Variants in RPTN observed in about 807,000 individuals in gnomAD.
The protein encoded by RPTN is intermediate filament-associated protein.
Under a neutral mutation model 3.6 loss-of-function variants are expected in RPTN, and 4 were observed. The ratio of observed to expected loss-of-function variants is 1.12; its 90% CI spans 0.55 to 2.55. RPTN has a LOEUF of 2.55. Ranked by LOEUF, RPTN falls within the 30% of genes most tolerant of loss-of-function variation. RPTN has a pLI of 0.02. For synonymous variants in RPTN, 293 were observed against 319.3 expected, an observed-to-expected ratio of 0.92 and a Z score of 0.88; for missense variants, 860 against 916.7, an observed-to-expected ratio of 0.94 and a Z score of 0.80.
Position 152,156,763 on chromosome 1 carries a change from C to G in RPTN, c.336G>C (p.Lys112Asn). 2 of 1,614,214 alleles carry G rather than the reference C, an allele frequency of 1.2e-6. No individual in the cohort carries two copies. Among genetic ancestry groups the G allele is most frequent in the Non-Finnish European group, 1.7e-6 (2 of 1,180,046 alleles). Residue 112 changes from lysine (K) to asparagine (N), a missense_variant, in exon 3 of 3, where the codon AAG (lysine) becomes AAC (asparagine). Physicochemically the swap from Lys to Asn is moderately conservative, Grantham distance 94. Transcript: ENST00000316073. ...GTTGTCTGCCTGTGTTTCCTGGGAA[C>G]TTACAGTCTTGTGCTCCTTCCTGCC... is the stretch of plus-strand genomic sequence containing the variant. ...ERGQEGAQDC[K>N]FPGNTGRQHR...
At position 152,156,753 on chromosome 1, in the gene RPTN, T is replaced by G. The variant is rs761727953; in HGVS notation, c.346A>C (p.Asn116His). 6.2e-7 allele frequency: 1 copy of G among 1,614,204 alleles called. No individual in the cohort carries two copies. Residue 116 changes from asparagine (N) to histidine (H), a missense_variant, in exon 3 of 3, where the codon AAC becomes CAC. Asn to His is a moderately conservative substitution (Grantham distance 68). Transcript: ENST00000316073. ...EGAQDCKFPG[N>H]TGRQHRQRHE... Reference sequence around the variant, plus strand: ...CTCTGTCTGTGTTGTCTGCCTGTGTTTCCTGGGAACTTACAGTCTTGTGCT... The same window carrying G: ...CTCTGTCTGTGTTGTCTGCCTGTGTGTCCTGGGAACTTACAGTCTTGTGCT...
At chr1:152,157,558 GGTGTGTGTGT>G (rs58634415) in intron 2 of RPTN, among the ~76,000 whole-genome samples, 184 bp downstream of exon 2, 65 of 139,640 alleles carry the variant, frequency 4.7e-4, no homozygotes, top group African/African-American at 1.3e-3. Flanking sequence ...GATACAAGGA[GGTGTGTGTGT>G]GTGTGTGTGT....
chr1:152,155,067 C>G lies in RPTN; in HGVS notation c.2032G>C (p.Asp678His), dbSNP rs1659166116. 2 of 1,614,166 alleles carry G rather than the reference C, an allele frequency of 1.2e-6. No homozygotes were observed. The highest frequency in any genetic ancestry group is 2.7e-5 in the African/African-American group (2 of 75,028). ...QERPLCHKGR[D>H]WQSCSSEQGH... is the part of the protein sequence containing the mutation. Reference sequence around the variant, plus strand: ...TGCTCACTACTGCATGATTGCCAGTCTCTCCCTTTGTGACAAAGTGGTCTT... The same window carrying G: ...TGCTCACTACTGCATGATTGCCAGTGTCTCCCTTTGTGACAAAGTGGTCTT... The change falls in exon 3 of 3, where the codon GAC becomes CAC. Residue 678 changes from aspartate to histidine, a missense_variant. Transcript: ENST00000316073.
rs1334402468 is a variant in RPTN, at chr1:152,155,069, C to T, written c.2030G>A (p.Arg677Lys). 6.2e-7 allele frequency: 1 copy of T among 1,614,176 alleles called. No individual in the cohort carries two copies. The highest frequency in any genetic ancestry group is 8.5e-7 in the Non-Finnish European group (1 of 1,180,024). ...CTCACTACTGCATGATTGCCAGTCTCTCCCTTTGTGACAAAGTGGTCTTTC... is the reference window on the plus strand; with the variant it reads ...CTCACTACTGCATGATTGCCAGTCTTTCCCTTTGTGACAAAGTGGTCTTTC... Reference protein sequence around the residue: ...QQERPLCHKGRDWQSCSSEQG... With the variant: ...QQERPLCHKGKDWQSCSSEQG... The change falls in exon 3 of 3, where the codon AGA becomes AAA. Residue 677 changes from arginine (R) to lysine (K), a missense_variant. Arg to Lys is a conservative substitution (Grantham distance 26, BLOSUM62 2). Transcript: ENST00000316073.
At position 152,154,786 on chromosome 1, in the gene RPTN, T is replaced by C; in HGVS notation, c.2313A>G (p.Arg771=). ...THEDKQNRQR[R]DRQTHEDEQN... ...GCTCGTCTTCATGGGTTTGCCTGTC[T>C]CGTCTCTGACGGTTCTGCTTGTCTT... Residue 771 remains arginine, a synonymous_variant, in exon 3 of 3, where the codon CGA becomes CGG. Coordinates refer to ENST00000316073, the MANE Select transcript of RPTN (RefSeq NM_001122965.1). 6.2e-7 allele frequency: 1 copy of C among 1,613,976 alleles called. No homozygotes were observed. Among genetic ancestry groups the C allele is most frequent in the East Asian group, 2.2e-5 (1 of 44,838 alleles).
Position 152,155,944 on chromosome 1 carries a change from T to C in RPTN, c.1155A>G (p.Gln385=). Residue 385 remains glutamine (Q), a synonymous_variant, in exon 3 of 3, where the codon CAA becomes CAG. Transcript: ENST00000316073. ...TCTGACCATAGTGAGAACTCTGATC[T>C]TGTGTGTCTGGCTGACCATAGTGGG... ...QSSHYGQPDT[Q]DQSSHYGQTD... 1.9e-6 allele frequency: 3 copies of C among 1,614,000 alleles called. No individual in the cohort carries two copies. Among genetic ancestry groups the C allele is most frequent in the South Asian group, 2.2e-5 (2 of 91,082 alleles).
Position 152,153,666 on chromosome 1 carries a change from G to A in RPTN, c.*1078C>T, listed in dbSNP as rs1213607657. 1.3e-5 allele frequency: 2 copies of A among 152,202 alleles called. No homozygotes were observed. Among genetic ancestry groups the A allele is most frequent in the Non-Finnish European group, 1.5e-5 (1 of 68,034 alleles). 9.4% of individuals were successfully genotyped at this position (152,202 alleles called of 1,614,324 possible). A position where few individuals can be genotyped will look rare whatever the true frequency, so the allele number is the denominator to read the frequency against. ...CTGCACATAGATTTTCTTGAGAAGA[G>A]TTTTCAGGTCTTAGGAGCTATGAAT... On this transcript the variant is annotated 3_prime_UTR_variant, in exon 3 of 3. Transcript: ENST00000316073.
Position 152,156,166 on chromosome 1 carries a change from G to A in RPTN, c.933C>T (p.Asp311=), listed in dbSNP as rs778331298. The part of the protein sequence containing the change: ...QDQSYHYGQT[D]RQGQSSHYSQ... ...TGTAGTGGGAACTCTGGCCTTGTCT[G>A]TCTGTCTGACCATAATGATAACTCT... is the stretch of plus-strand genomic sequence containing the variant. Residue 311 remains aspartate, a synonymous_variant, in exon 3 of 3, where the codon GAC becomes GAT. Coordinates refer to ENST00000316073, the MANE Select transcript of RPTN (RefSeq NM_001122965.1). The A allele has an allele frequency of 5.0e-6, 8 of 1,613,812 alleles. No individual in the cohort carries two copies. The South Asian group carries it at 6.6e-5, about 13-fold the overall frequency.
rs1336847633 is a variant in RPTN, at chr1:152,154,585, G to A, written c.*159C>T. 5 of 1,026,160 alleles carry A rather than the reference G, an allele frequency of 4.9e-6. No individual in the cohort carries two copies. The highest frequency in any genetic ancestry group is 5.8e-6 in the Non-Finnish European group (4 of 691,878). The allele number at this position is 1,026,160 out of a possible 1,614,324, so 63.6% of individuals were successfully genotyped here. The stretch of plus-strand genomic sequence containing the variant: ...GTCTTTTCTGTGAGCCTTGGCTCTG[G>A]TCATCCTCTTTCATGTGGAATTTTT... On this transcript the variant is annotated 3_prime_UTR_variant, in exon 3 of 3. Coordinates refer to ENST00000316073, the MANE Select transcript of RPTN (RefSeq NM_001122965.1).
At position 152,156,224 on chromosome 1, in the gene RPTN, C is replaced by T. The variant is rs766320656; in HGVS notation, c.875G>A (p.Ser292Asn). 1 of 1,614,146 alleles carries T rather than the reference C, an allele frequency of 6.2e-7. No individual in the cohort carries two copies. Among genetic ancestry groups the T allele is most frequent in the Non-Finnish European group, 8.5e-7 (1 of 1,180,026 alleles). ...TCTGTCCGTCTGACCGTAGTGGGAA[C>T]TCTGGCCTTGTCTGTCTGTCTGACC... ...GCGQTDRQGQSSHYGQTDRQD... is the reference protein window; with the variant it reads ...GCGQTDRQGQNSHYGQTDRQD... The change falls in exon 3 of 3, where the codon AGT becomes AAT. Residue 292 changes from serine to asparagine, a missense_variant. Physicochemically the swap from Ser to Asn is conservative, Grantham distance 46. Coordinates refer to ENST00000316073, the MANE Select transcript of RPTN (RefSeq NM_001122965.1).
Position 152,157,831 on chromosome 1 carries a change from T to C in RPTN, c.59A>G (p.Lys20Arg), listed in dbSNP as rs774456469. 6.2e-7 allele frequency: 1 copy of C among 1,613,886 alleles called. No individual in the cohort carries two copies. Among genetic ancestry groups the C allele is most frequent in the South Asian group, 1.1e-5 (1 of 91,078 alleles). ...TAGTAAGGCACAGTCCCCATTCCCT[T>C]TGGCATATTTGTGGAATACGTCAAT... The part of the protein sequence containing the change: ...SVIDVFHKYA[K>R]GNGDCALLCK... The change falls in exon 2 of 3, where the codon AAA (lysine) becomes AGA (arginine). Residue 20 changes from lysine (K) to arginine (R), a missense_variant. Coordinates refer to ENST00000316073, the MANE Select transcript of RPTN (RefSeq NM_001122965.1).
At position 152,154,364 on chromosome 1, in the gene RPTN, G is replaced by A. The variant is rs779314327; in HGVS notation, c.*380C>T. The A allele has an allele frequency of 3.4e-5, 8 of 235,422 alleles. No individual in the cohort carries two copies. The highest frequency in any genetic ancestry group is 9.1e-5 in the African/African-American group (4 of 43,850). The allele number at this position is 235,422 out of a possible 1,614,324, so 14.6% of individuals were successfully genotyped here. On this transcript the variant is annotated 3_prime_UTR_variant, in exon 3 of 3. Transcript: ENST00000316073. ...CTTAAATCGAATTAAAGGTGAACTC[G>A]ACATATAGGTTTCTTTTTTGGCTTT... is the stretch of plus-strand genomic sequence containing the variant.
At chr1:152,156,989 T>C (rs1330768844) in intron 2 of RPTN, 29 bp from the exon 3 acceptor site, 5 of 1,578,734 alleles carry the variant, frequency 3.2e-6, no homozygotes, top group South Asian at 1.2e-5. Context: ...AAGAGCAAAA[T>C]CAGATGCTGT....
chr1:152,154,914 G>A lies in RPTN; in HGVS notation c.2185C>T (p.Gln729Ter). Residue 729 changes from glutamine to a stop codon, truncating the protein, a stop_gained, in exon 3 of 3, where the codon CAG becomes TAG. Transcript: ENST00000316073. LOFTEE classifies it low-confidence loss of function (END_TRUNC). ...TCATCTTTATGGGTTCGCCTGTCCT[G>A]TGTCCCACATGGACCTTCCTGACTC... Reference protein sequence around the residue: ...HESQEGPCGTQDRRTHKDEQN... With the variant: ...HESQEGPCGT 1 of 1,614,054 alleles carries A rather than the reference G, an allele frequency of 6.2e-7. No individual in the cohort carries two copies. The highest frequency in any genetic ancestry group is 1.1e-5 in the South Asian group (1 of 91,074).
At chr1:152,158,876 C>A (rs879917479) in intron 1 of RPTN, among the ~76,000 whole-genome samples, 6 of 152,146 alleles carry the variant, frequency 3.9e-5, no homozygotes, top group Admixed American at 2.6e-4. Flanking sequence ...CTAAACTATT[C>A]GGTCTTTCCT....
In RPTN at chr1:152,153,657, T is replaced by C. The variant is rs1379518461; in HGVS notation, c.*1087A>G. 2 of 152,292 alleles carry C rather than the reference T, an allele frequency of 1.3e-5. No homozygotes were observed. The highest frequency in any genetic ancestry group is 2.9e-5 in the Non-Finnish European group (2 of 68,036). 9.4% of individuals were successfully genotyped at this position (152,292 alleles called of 1,614,324 possible). On this transcript the variant is annotated 3_prime_UTR_variant, in exon 3 of 3. Transcript: ENST00000316073. The stretch of plus-strand genomic sequence containing the variant: ...ATTCATAATCTGCACATAGATTTTC[T>C]TGAGAAGAGTTTTCAGGTCTTAGGA...
Position 152,155,221 on chromosome 1 carries a change from C to T in RPTN, c.1878G>A (p.Gln626=). The change falls in exon 3 of 3, where the codon CAG becomes CAA. Residue 626 remains glutamine, a synonymous_variant. Transcript: ENST00000316073. ...SGRLSQQTPG[Q]EGYQNQGQGF... is the part of the protein sequence containing the mutation. ...CCTGTCCCTGGTTTTGGTACCCTTC[C>T]TGTCCTGGAGTCTGTTGACTTAGCC... 6.2e-7 allele frequency: 1 copy of T among 1,614,246 alleles called. No homozygotes were observed. Among genetic ancestry groups the T allele is most frequent in the Non-Finnish European group, 8.5e-7 (1 of 1,180,034 alleles).
intron 2 of RPTN, 62 bp from the exon 3 acceptor site, chr1:152,157,022 T>C (rs1230275241): frequency 7.2e-7 from 1 of 1,395,362 alleles, no homozygotes; most frequent in Non-Finnish European, 9.9e-7. Context: ...AAGATGTGTA[T>C]CAGTGTTCAT....
At position 152,156,470 on chromosome 1, in the gene RPTN, A is replaced by T. The variant is rs1659207760; in HGVS notation, c.629T>A (p.Val210Glu). 3 of 1,614,196 alleles carry T rather than the reference A, an allele frequency of 1.9e-6. No homozygotes were observed. The highest frequency in any genetic ancestry group is 2.5e-6 in the Non-Finnish European group (3 of 1,180,034). The change falls in exon 3 of 3, where the codon GTG (valine) becomes GAG (glutamate). Residue 210 changes from valine (V) to glutamate (E), a missense_variant. Val to Glu is a moderately radical substitution (Grantham distance 121). Coordinates refer to ENST00000316073, the MANE Select transcript of RPTN (RefSeq NM_001122965.1). ...QSQDSSSGKK[V>E]SHKSTSGQAK... ...CTGGCCACTGGTAGATTTGTGACTC[A>T]CTTTTTTACCAGAGCTGGAGTCTTG...
Sources: allele counts gnomAD v4.1 joint callset (sites outside exome capture counted in the v4.1 genomes callset), GRCh38; gene constraint gnomAD v4.1.1; transcripts MANE v1.5; gene names NCBI Gene and HGNC (gene_info 2026-07-23, HGNC 2026-07-21).